Variants in KLHL6 observed in about 807,000 individuals in gnomAD.
KLHL6 encodes kelch like family member 6.
Under a neutral mutation model 58.6 loss-of-function variants are expected in KLHL6, and 41 were observed. That is an observed-to-expected ratio of 0.70 (90% confidence interval 0.55 to 0.91). KLHL6 has a LOEUF of 0.91. Among genes scored for constraint, KLHL6 ranks in the 40% least tolerant of loss-of-function variants. KLHL6 has a pLI of 0.00. For synonymous variants in KLHL6, 338 were observed against 322.7 expected (o/e 1.05, Z -0.51); for missense variants, 714 against 805.6 (o/e 0.89, Z 1.38).
Position 183,492,667 on chromosome 3 carries a change from G to A in KLHL6, c.1391C>T (p.Thr464Ile), listed in dbSNP as rs769779037. The change falls in exon 6 of 7, where the codon ACC becomes ATC. Residue 464 changes from threonine (T) to isoleucine (I), a missense_variant. Transcript: ENST00000341319. The surrounding 1 kb of genome is among the most constrained non-coding windows in gnomAD (Gnocchi z 5.9). ...CACATACAGCTTCTTCTTATGGCTGGTGGCTGCAAAGGAACTGACATGGAC... is the reference window on the plus strand; with the variant it reads ...CACATACAGCTTCTTCTTATGGCTGATGGCTGCAAAGGAACTGACATGGAC... ...LLVHVSSFAA[T>I]SHKKKLYVIG... 1 of 1,613,956 alleles carries A rather than the reference G, an allele frequency of 6.2e-7. No individual in the cohort carries two copies. Among genetic ancestry groups the A allele is most frequent in the Admixed American group, 1.7e-5 (1 of 60,014 alleles).
chr3:183,538,980 T>C (rs1328911971), intron 1 of KLHL6, among the ~76,000 whole-genome samples: 17 of 152,204 alleles, frequency 1.1e-4, no homozygotes, highest in Admixed American at 1.0e-3. Context: ...TTATTCAGAA[T>C]ACAGAATCCT....
At chr3:183,515,868 C>G (rs1711544985) in intron 2 of KLHL6, among the ~76,000 whole-genome samples, 1 of 152,122 alleles carries the variant, frequency 6.6e-6, no homozygotes. Flanking sequence ...TTAGTATGCA[C>G]CAAGATCTGT....
chr3:183,511,723 T>G (rs183747679), intron 2 of KLHL6, among the ~76,000 whole-genome samples: 3 of 152,306 alleles, frequency 2.0e-5, no homozygotes, highest in African/African-American at 7.2e-5. Flanking sequence ...AGGCACATCC[T>G]GCACAGCCCT....
In KLHL6 at chr3:183,492,863, G is replaced by A; in HGVS notation, c.1351-156C>T. ...TGGGCTTGACTCCTCTTAAGACACA[G>A]CAAGAATGAAAGCATGCATTTCCCA... On this transcript the variant is annotated intron_variant, in intron 5 of 6. Coordinates refer to ENST00000341319, the MANE Select transcript of KLHL6 (RefSeq NM_130446.4). The surrounding 1 kb of genome is among the most constrained non-coding windows in gnomAD (Gnocchi z 5.9). 1.6e-6 allele frequency: 1 copy of A among 632,524 alleles called. No homozygotes were observed. Among genetic ancestry groups the A allele is most frequent in the Non-Finnish European group, 2.7e-6 (1 of 366,428 alleles). The allele number at this position is 632,524 out of a possible 1,614,324, so 39.2% of individuals were successfully genotyped here.
At chr3:183,553,611 C>A (rs933427009) in intron 1 of KLHL6, among the ~76,000 whole-genome samples, 1 of 152,188 alleles carries the variant, frequency 6.6e-6, no homozygotes, top group Non-Finnish European at 1.5e-5. Flanking sequence ...TTTATATCAA[C>A]CCATTTTGAT....
intron 4 of KLHL6, among the ~76,000 whole-genome samples, chr3:183,495,937 G>T (rs1157253170): frequency 6.6e-6 from 1 of 152,042 alleles, no homozygotes; most frequent in Non-Finnish European, 1.5e-5. Context: ...AGAACAATTG[G>T]TTATTCATTT....
chr3:183,502,126 C>A (rs1717881779), intron 3 of KLHL6, among the ~76,000 whole-genome samples: 1 of 151,864 alleles, frequency 6.6e-6, no homozygotes, highest in African/African-American at 2.4e-5. Context: ...CCAGTCTCTA[C>A]TAAAAATAAA....
chr3:183,531,539 T>C (rs959654870), intron 1 of KLHL6, among the ~76,000 whole-genome samples: 81 of 134,846 alleles, frequency 6.0e-4, no homozygotes, highest in African/African-American at 2.2e-3. Flanking sequence ...AAACTCCACC[T>C]CCCGGGTTCA....
At chr3:183,504,606 C>G (rs144132415) in intron 3 of KLHL6, among the ~76,000 whole-genome samples, 3 of 152,104 alleles carry the variant, frequency 2.0e-5, no homozygotes, top group Non-Finnish European at 4.4e-5. Flanking sequence ...ATTTCAAGGA[C>G]TTAGAAAATA....
intron 1 of KLHL6, among the ~76,000 whole-genome samples, chr3:183,534,602 C>T (rs1188518388): frequency 6.6e-6 from 1 of 151,864 alleles, no homozygotes; most frequent in African/African-American, 2.4e-5. Flanking sequence ...GGGGTTTCAC[C>T]ATGTTGCCCA....
In KLHL6 at chr3:183,492,238, G is replaced by C. The variant is rs1382389389; in HGVS notation, c.1565-10C>G. 1.3e-6 allele frequency: 2 copies of C among 1,578,550 alleles called. No individual in the cohort carries two copies. Among genetic ancestry groups the C allele is most frequent in the Non-Finnish European group, 1.7e-6 (2 of 1,160,320 alleles). On this transcript the variant is annotated splice_polypyrimidine_tract_variant and intron_variant, in intron 6 of 6. Coordinates refer to ENST00000341319, the MANE Select transcript of KLHL6 (RefSeq NM_130446.4). This position sits in a 1 kb window ranked among gnomAD's most constrained non-coding sequence, Gnocchi z 5.9. The stretch of plus-strand genomic sequence containing the variant: ...GCTCTCATGGCCCCACCTGAGGAGA[G>C]GGAGGAAACACGGTGGGCATCGCTC...
intron 3 of KLHL6, among the ~76,000 whole-genome samples, chr3:183,502,482 C>T (rs1406428748): frequency 1.3e-5 from 2 of 152,150 alleles, no homozygotes; most frequent in African/African-American, 2.4e-5. Context: ...CAACAGATTA[C>T]AGCAGAAGTG....
At chr3:183,518,091 T>C (rs1711621504) in intron 2 of KLHL6, among the ~76,000 whole-genome samples, 1 of 152,214 alleles carries the variant, frequency 6.6e-6, no homozygotes, top group Non-Finnish European at 1.5e-5. Flanking sequence ...GTCCCCTCCT[T>C]TCTGCCCTGG....
At chr3:183,505,758 CA>C (rs1332603879) in intron 3 of KLHL6, among the ~76,000 whole-genome samples, 4 of 151,418 alleles carry the variant, frequency 2.6e-5, no homozygotes, top group African/African-American at 9.7e-5. Flanking sequence ...ATGCTGTGAA[CA>C]ACTTTATGCC....
At chr3:183,554,172 T>C (rs1445873174) in intron 1 of KLHL6, among the ~76,000 whole-genome samples, 1 of 152,162 alleles carries the variant, frequency 6.6e-6, no homozygotes, top group Non-Finnish European at 1.5e-5. Context: ...CCCATGTCCA[T>C]GCTGATATGG....
At chr3:183,511,368 A>G (rs1184201912) in intron 2 of KLHL6, among the ~76,000 whole-genome samples, 1 of 152,234 alleles carries the variant, frequency 6.6e-6, no homozygotes, top group Non-Finnish European at 1.5e-5. Context: ...CTATCTCAGA[A>G]CTGAACAAAT....
At position 183,501,450 on chromosome 3, in the gene KLHL6, T is replaced by C. The variant is rs188022173; in HGVS notation, c.910-1623A>G. 2.0e-5 allele frequency among the ~76,000 whole-genome samples: 3 copies of C among 152,256 alleles called. No individual in the cohort carries two copies. The East Asian group carries it at 5.8e-4, about 29-fold the overall frequency. ...AGAAAAAAGCACCGGCCTCCCTGAATTCATTCCCTTATGACCCTTTCTTCA... is the reference window on the plus strand; with the variant it reads ...AGAAAAAAGCACCGGCCTCCCTGAACTCATTCCCTTATGACCCTTTCTTCA... On this transcript the variant is annotated intron_variant, in intron 3 of 6. Coordinates refer to ENST00000341319, the MANE Select transcript of KLHL6 (RefSeq NM_130446.4).
intron 1 of KLHL6, among the ~76,000 whole-genome samples, chr3:183,534,453 G>T (rs1712293025): frequency 6.6e-6 from 1 of 152,108 alleles, no homozygotes; most frequent in Non-Finnish European, 1.5e-5. Context: ...GCCCAGGCTG[G>T]AGTGCAGCGG....
At chr3:183,521,692 AT>A (rs10556149) in intron 2 of KLHL6, 2,568 of 130,492 alleles carry the variant, frequency 0.02, 60 homozygotes, top group African/African-American at 0.066. Context: ...GACCTACCTG[AT>A]TTTTTTTTTT....
Sources: allele counts gnomAD v4.1 joint callset (sites outside exome capture counted in the v4.1 genomes callset), GRCh38; gene constraint gnomAD v4.1.1; non-coding constraint Gnocchi (gnomAD v3.1); transcripts MANE v1.5; gene names NCBI Gene and HGNC (gene_info 2026-07-23, HGNC 2026-07-21).